ZNF831: variants seen among roughly 807,000 people sequenced by gnomAD.
The protein encoded by ZNF831 is zinc finger protein 831, also known as chromosome 20 open reading frame 174.
Under a neutral mutation model 95.8 loss-of-function variants are expected in ZNF831, and 59 were observed. The observed-to-expected ratio is 0.62, with a 90% CI of 0.50 to 0.77. The LOEUF (loss-of-function observed/expected upper bound fraction) is 0.77. Ranked by LOEUF, ZNF831 falls within the 30% of genes least tolerant of loss-of-function variation. The probability of loss-of-function intolerance (pLI) is 0.00; values close to 1 mark genes in which losing one functional copy is unlikely to be tolerated. For missense variants in ZNF831, 2,205 were observed against 2,164.0 expected (o/e 1.02, Z -0.38); for synonymous variants, 961 against 925.5 (o/e 1.04, Z -0.70).
chr20:59,181,028 C>A (rs1269362496), intron 1 of ZNF831, among the ~76,000 whole-genome samples: 1 of 152,214 alleles, frequency 6.6e-6, no homozygotes, highest in Non-Finnish European at 1.5e-5. Flanking sequence ...ACAGCCTTGT[C>A]AGCATGTGTT....
At chr20:59,210,901 C>CG (rs1568771812) in intron 4 of ZNF831, among the ~76,000 whole-genome samples, 1 of 79,498 alleles carries the variant, frequency 1.3e-5, no homozygotes, top group Non-Finnish European at 2.4e-5. Context: ...GGCGCGGTGG[C>CG]GGGCGCCTGT....
At position 59,193,542 on chromosome 20, in the gene ZNF831, A is replaced by G. The variant is rs756102359; in HGVS notation, c.2523A>G (p.Ala841=). Residue 841 remains alanine (A), a synonymous_variant, in exon 2 of 6, where the codon GCA becomes GCG. Transcript: ENST00000371030. The stretch of plus-strand genomic sequence containing the variant: ...GGAAGCAACCAGAGCCTGTGAGCGC[A>G]GAGACCCCAGGTGGGCCCACGCAGC... ...HSWKQPEPVS[A]ETPGGPTQPA... The G allele has an allele frequency of 1.0e-5, 16 of 1,605,266 alleles. No individual in the cohort carries two copies. Among genetic ancestry groups the G allele is most frequent in the Non-Finnish European group, 1.1e-5 (13 of 1,176,184 alleles).
intron 2 of ZNF831, among the ~76,000 whole-genome samples, chr20:59,148,419 C>CCA (rs1980002030): frequency 2.6e-5 from 3 of 117,098 alleles, no homozygotes; most frequent in Admixed American, 7.6e-5. Flanking sequence ...CGGTGGCTCA[C>CCA]GCCTGTAATC....
At position 59,149,000 on chromosome 20, in the gene ZNF831, G is replaced by A. The variant is rs185062790; in HGVS notation, c.-1281+2626G>A. Among the ~76,000 whole-genome samples the A allele has an allele frequency of 3.9e-4, 59 of 152,328 alleles. 1 individual carries two copies. The highest frequency in any genetic ancestry group is 1.4e-3 in the African/African-American group (58 of 41,566). On this transcript the variant is annotated intron_variant, in intron 2 of 7. Transcript: ENST00000637017. ...TCGAGTTCAGCCCTGGCCAGAGGCT[G>A]TGAGGGGCAGAGCCAGGGGATGGTG...
chr20:59,211,736 G>A (rs1448444979), intron 4 of ZNF831, among the ~76,000 whole-genome samples: 1 of 151,930 alleles, frequency 6.6e-6, no homozygotes, highest in Non-Finnish European at 1.5e-5. Context: ...GGCGCGTCCT[G>A]GATGGAGAGA....
At chr20:59,218,170 A>G (rs1985824003) in intron 4 of ZNF831, among the ~76,000 whole-genome samples, 2 of 152,218 alleles carry the variant, frequency 1.3e-5, no homozygotes, top group African/African-American at 4.8e-5. Flanking sequence ...AGCCAGAGAG[A>G]TGAATTTCTC....
At chr20:59,190,961 T>C (rs1983449856) in intron 1 of ZNF831, 23 bp from the exon 2 acceptor site, 1 of 1,456,466 alleles carries the variant, frequency 6.9e-7, no homozygotes, top group Admixed American at 2.7e-5. Context: ...GTGCCCATGG[T>C]AAAGTTTGGT....
intron 4 of ZNF831, among the ~76,000 whole-genome samples, chr20:59,212,195 A>C (rs545534393): frequency 2.0e-5 from 3 of 152,302 alleles, no homozygotes; most frequent in Admixed American, 2.0e-4. Flanking sequence ...GTTTTTTAAA[A>C]AAATATTTTT....
intron 4 of ZNF831, among the ~76,000 whole-genome samples, chr20:59,248,241 G>T (rs1296389482): frequency 6.6e-6 from 1 of 152,196 alleles, no homozygotes; most frequent in Non-Finnish European, 1.5e-5. Flanking sequence ...TAATTTCTGA[G>T]GATGTAGGAA....
intron 3 of ZNF831, among the ~76,000 whole-genome samples, chr20:59,199,648 T>C (rs1735330963): frequency 6.6e-6 from 1 of 152,194 alleles, no homozygotes; most frequent in African/African-American, 2.4e-5. Flanking sequence ...TTTGTTGTTA[T>C]CAGATTTTTT....
chr20:59,130,589 C>G (rs1979322263), intron 1 of ZNF831, among the ~76,000 whole-genome samples: 1 of 152,152 alleles, frequency 6.6e-6, no homozygotes, highest in Non-Finnish European at 1.5e-5. Context: ...CTTGGGGCTT[C>G]TAAACGCCAA....
Position 59,191,506 on chromosome 20 carries a change from A to T in ZNF831, c.487A>T (p.Ile163Phe), listed in dbSNP as rs1230823977. ...CLKPSVLEKH[I>F]RSHTGERPFP... The stretch of plus-strand genomic sequence containing the variant: ...GAAGCCCAGTGTTCTAGAGAAGCAC[A>T]TCCGGTCCCACACGGGTGAGAGGCC... The change falls in exon 2 of 6, where the codon ATC becomes TTC. Residue 163 changes from isoleucine (I) to phenylalanine (F), a missense_variant. Ile to Phe is a conservative substitution (Grantham distance 21). Coordinates refer to ENST00000371030, the MANE Select transcript of ZNF831 (RefSeq NM_178457.3). 1 of 1,613,130 alleles carries T rather than the reference A, an allele frequency of 6.2e-7. No homozygotes were observed. Among genetic ancestry groups the T allele is most frequent in the Non-Finnish European group, 8.5e-7 (1 of 1,180,014 alleles).
rs1414585720 is a variant in ZNF831, at chr20:59,202,338, TTAAA to T, written c.3876-4566_3876-4563del. On this transcript the variant is annotated intron_variant, in intron 3 of 5. Transcript: ENST00000371030. ...TTATTTTCAACCTTTTTTTTTTTTTTTAAAAAAAAAAACACATCTAATGTTTTGC... is the reference window on the plus strand; with the variant it reads ...TTATTTTCAACCTTTTTTTTTTTTTTAAAAAAAACACATCTAATGTTTTGC... Among the ~76,000 whole-genome samples the T allele has an allele frequency of 2.6e-3, 378 of 146,664 alleles. 7 individuals are homozygous for T. The highest frequency in any genetic ancestry group is 9.1e-3 in the African/African-American group (361 of 39,888).
chr20:59,139,530 A>C (rs1979610328), intron 1 of ZNF831, among the ~76,000 whole-genome samples: 1 of 152,152 alleles, frequency 6.6e-6, no homozygotes, highest in Admixed American at 6.5e-5. Context: ...GCAGGTGTGA[A>C]CAACCAAATG....
intron 3 of ZNF831, among the ~76,000 whole-genome samples, chr20:59,196,742 T>C (rs925855252): frequency 2.0e-5 from 3 of 152,110 alleles, no homozygotes; most frequent in African/African-American, 4.8e-5. Context: ...CACACCTCAG[T>C]TGTCAACCTG....
chr20:59,197,932 G>A (rs1025081917), intron 3 of ZNF831, among the ~76,000 whole-genome samples: 1 of 152,192 alleles, frequency 6.6e-6, no homozygotes, highest in Non-Finnish European at 1.5e-5. Flanking sequence ...AGGAGGAAGT[G>A]CTCAGTTACA....
rs751611904 is a variant in ZNF831, at chr20:59,252,969, C to A, written c.4028-9C>A. ...CCAGTCATATGTAAATGTGCCTCTC[C>A]CCTTGCAGGTCTGAATCTGCAAGAG... is the stretch of plus-strand genomic sequence containing the variant. On this transcript the variant is annotated splice_polypyrimidine_tract_variant and intron_variant, in intron 4 of 5. Coordinates refer to ENST00000371030, the MANE Select transcript of ZNF831 (RefSeq NM_178457.3). 6.2e-6 allele frequency: 10 copies of A among 1,612,558 alleles called. No homozygotes were observed. In the Admixed American group the frequency reaches 1.5e-4, roughly 24 times the overall value.
rs1983514044 is a variant in ZNF831, at chr20:59,191,443, G to C, written c.424G>C (p.Gly142Arg). The C allele has an allele frequency of 6.2e-7, 1 of 1,612,976 alleles. No homozygotes were observed. The highest frequency in any genetic ancestry group is 8.5e-7 in the Non-Finnish European group (1 of 1,179,966). Residue 142 changes from glycine (G) to arginine (R), a missense_variant, in exon 2 of 6, where the codon GGC (glycine) becomes CGC (arginine). By Grantham distance (125) the Gly-to-Arg change is moderately radical (BLOSUM62 -2). Transcript: ENST00000371030. ...CAGCCCAGGCAAGGTGCGGAATGCG[G>C]GCAAGTACCTGTGTCCGCACTGTGG... ...LGSPGKVRNA[G>R]KYLCPHCGRD...
chr20:59,258,685 T>TTC lies in ZNF831; in HGVS notation c.*3943_*3944insCT, dbSNP rs1988288618. ...AGTTCATGTAGGGAGGCACTTTGGC[T>TTC]TTTGAAACACTACATTTCTCAATAT... On this transcript the variant is annotated 3_prime_UTR_variant, in exon 6 of 6. Coordinates refer to ENST00000371030, the MANE Select transcript of ZNF831 (RefSeq NM_178457.3). The TTC allele has an allele frequency of 2.0e-5, 3 of 152,122 alleles. No individual in the cohort carries two copies. Among genetic ancestry groups the TTC allele is most frequent in the Non-Finnish European group, 4.4e-5 (3 of 68,006 alleles). 9.4% of individuals were successfully genotyped at this position (152,122 alleles called of 1,614,324 possible).
Sources: gnomAD v4.1 joint callset for allele counts (sites outside exome capture counted in the v4.1 genomes callset) on GRCh38, gnomAD v4.1.1 for gene constraint, MANE v1.5 for transcripts, NCBI Gene and HGNC (gene_info 2026-07-23, HGNC 2026-07-21) for gene names.